The following SPOCK3 variants were observed in gnomAD, a reference collection of about 807,000 sequenced individuals.
SPOCK3 encodes the protein testican-3.
SPOCK3 carries 30 observed loss-of-function variants against 56.6 expected under a neutral mutation model. The ratio of observed to expected loss-of-function variants is 0.53; its 90% CI spans 0.40 to 0.72. The LOEUF (loss-of-function observed/expected upper bound fraction) is 0.72. SPOCK3 is among the 30% of genes least tolerant of loss of function. The pLI, the probability that SPOCK3 is intolerant of heterozygous loss-of-function variation, is 0.00. For synonymous variants in SPOCK3, 196 were observed against 183.3 expected (o/e 1.07, Z -0.56); for missense variants, 527 against 530.0 (o/e 0.99, Z 0.06).
At chr4:166,940,229 G>T (rs1740890864) in intron 4 of SPOCK3, among the ~76,000 whole-genome samples, 1 of 152,136 alleles carries the variant, frequency 6.6e-6, no homozygotes, top group African/African-American at 2.4e-5. Context: ...TGACTATGAT[G>T]ATATAATAAT....
In SPOCK3 at chr4:167,162,764, G is replaced by A. The variant is rs1303705741; in HGVS notation, c.189+71221C>T. On this transcript the variant is annotated intron_variant, in intron 2 of 10. Transcript: ENST00000357545. ...GCAAATGCCAATTGTATTTACTCTCGACTTTTTTTTATATGATTTTAAATA... is the reference window on the plus strand; with the variant it reads ...GCAAATGCCAATTGTATTTACTCTCAACTTTTTTTTATATGATTTTAAATA... 4.6e-5 allele frequency among the ~76,000 whole-genome samples: 7 copies of A among 151,876 alleles called. No individual in the cohort carries two copies. The South Asian group carries it at 8.3e-4, about 18-fold the overall frequency.
At chr4:166,854,065 A>G (rs542567459) in intron 6 of SPOCK3, among the ~76,000 whole-genome samples, 1 of 152,314 alleles carries the variant, frequency 6.6e-6, no homozygotes, top group African/African-American at 2.4e-5. Flanking sequence ...GCAACTTCAC[A>G]TAGCTCAACT....
intron 4 of SPOCK3, among the ~76,000 whole-genome samples, chr4:166,940,269 T>TC (rs1191791150): frequency 1.3e-5 from 2 of 152,202 alleles, no homozygotes; most frequent in African/African-American, 4.8e-5. Context: ...AGTATGAGCC[T>TC]AGATTACAAC....
intron 4 of SPOCK3, among the ~76,000 whole-genome samples, chr4:166,993,408 A>G (rs192753918): frequency 4.8e-4 from 73 of 152,286 alleles, no homozygotes; most frequent in African/African-American, 1.7e-3. Flanking sequence ...TAAAGGATGT[A>G]AAGCAGAGAA....
chr4:167,065,062 T>TAAAAAAAAAAAAAAAAAAAA, intron 2 of SPOCK3, among the ~76,000 whole-genome samples: 18 of 56,864 alleles, frequency 3.2e-4, no homozygotes, highest in South Asian at 1.0e-3. Context: ...AAAAAAAAAG[T>TAAAAAAAAAAAAAAAAAAAA]CAAACGCAGC....
chr4:166,945,258 T>C (rs1741585871), intron 4 of SPOCK3, among the ~76,000 whole-genome samples: 1 of 152,124 alleles, frequency 6.6e-6, no homozygotes, highest in Non-Finnish European at 1.5e-5. Context: ...CCTCAGTAAA[T>C]AGATATAGGA....
chr4:166,818,180 G>A (rs1744570958), intron 6 of SPOCK3, among the ~76,000 whole-genome samples: 1 of 151,492 alleles, frequency 6.6e-6, no homozygotes, highest in Non-Finnish European at 1.5e-5. Flanking sequence ...ATATTCCCCC[G>A]GCTCATTCCT....
chr4:166,736,221 C>T (rs1171482952), intron 10 of SPOCK3, among the ~76,000 whole-genome samples: 2 of 152,190 alleles, frequency 1.3e-5, no homozygotes, highest in East Asian at 3.9e-4. Flanking sequence ...GTAAAGAAAA[C>T]TCAGATGTCC....
At chr4:166,788,157 G>A (rs1740938753) in intron 7 of SPOCK3, among the ~76,000 whole-genome samples, 1 of 151,972 alleles carries the variant, frequency 6.6e-6, no homozygotes, top group Non-Finnish European at 1.5e-5. Context: ...AGTCCAGCTT[G>A]GGCAACAGAG....
In SPOCK3 at chr4:166,998,630, A is replaced by G. The variant is rs572911215; in HGVS notation, c.350+1719T>C. 2.6e-5 allele frequency among the ~76,000 whole-genome samples: 4 copies of G among 152,190 alleles called. No homozygotes were observed. The South Asian group carries it at 8.3e-4, about 32-fold the overall frequency. On this transcript the variant is annotated intron_variant, in intron 4 of 10. Transcript: ENST00000357545. ...CGAGTGTGTCTCTGCCACAGACATGATATTAACTGCGACGTCTTTGGTTGC... is the reference window on the plus strand; with the variant it reads ...CGAGTGTGTCTCTGCCACAGACATGGTATTAACTGCGACGTCTTTGGTTGC...
chr4:167,055,366 G>A (rs879399492), intron 3 of SPOCK3, among the ~76,000 whole-genome samples: 5 of 152,188 alleles, frequency 3.3e-5, no homozygotes, highest in East Asian at 1.9e-4. Context: ...AGCTCCCAGC[G>A]TGAGCAACGC....
At chr4:167,060,781 G>A (rs1433814724) in intron 3 of SPOCK3, among the ~76,000 whole-genome samples, 1 of 152,126 alleles carries the variant, frequency 6.6e-6, no homozygotes, top group East Asian at 1.9e-4. Flanking sequence ...AGGTTTGGGG[G>A]TTCAGACTGA....
At chr4:166,916,389 T>C (rs888144455) in intron 4 of SPOCK3, among the ~76,000 whole-genome samples, 2 of 152,180 alleles carry the variant, frequency 1.3e-5, no homozygotes, top group Non-Finnish European at 2.9e-5. Context: ...ACTATTATCT[T>C]GTATTCATGA....
intron 6 of SPOCK3, among the ~76,000 whole-genome samples, chr4:166,834,308 G>T (rs1396971300): frequency 6.6e-6 from 1 of 152,126 alleles, no homozygotes; most frequent in Non-Finnish European, 1.5e-5. Context: ...GCTTCTGATC[G>T]CTCATAGGTA....
At chr4:167,105,874 C>T (rs1250840409) in intron 2 of SPOCK3, among the ~76,000 whole-genome samples, 1 of 151,686 alleles carries the variant, frequency 6.6e-6, no homozygotes, top group Non-Finnish European at 1.5e-5. Context: ...ATGACAAAAA[C>T]TATAAGAAAC....
chr4:167,148,228 C>T (rs1764137485), intron 2 of SPOCK3, among the ~76,000 whole-genome samples: 1 of 152,132 alleles, frequency 6.6e-6, no homozygotes. Context: ...GGAGTTGCTA[C>T]TGGCATCTAG....
In SPOCK3 at chr4:166,792,163, A is replaced by G. The variant is rs779042484; in HGVS notation, c.709+7T>C. 2.5e-6 allele frequency: 4 copies of G among 1,613,774 alleles called. No individual in the cohort carries two copies. The highest frequency in any genetic ancestry group is 3.4e-6 in the Non-Finnish European group (4 of 1,179,774). ...ACAGTAGCAATGATCAAATTTAGAAATCTTACTGCTTCTCTCAGGCCTCAG... is the reference window on the plus strand; with the variant it reads ...ACAGTAGCAATGATCAAATTTAGAAGTCTTACTGCTTCTCTCAGGCCTCAG... On this transcript the variant is annotated splice_region_variant and intron_variant, in intron 7 of 10. Transcript: ENST00000357545.
intron 6 of SPOCK3, among the ~76,000 whole-genome samples, chr4:166,795,320 T>C (rs1741819680): frequency 6.6e-6 from 1 of 152,200 alleles, no homozygotes; most frequent in Non-Finnish European, 1.5e-5. Context: ...AAATACTGTA[T>C]AGTCGCATCC....
chr4:166,967,470 C>A (rs1035432444), intron 4 of SPOCK3, among the ~76,000 whole-genome samples: 1 of 152,148 alleles, frequency 6.6e-6, no homozygotes, highest in African/African-American at 2.4e-5. Flanking sequence ...TTGTTGTTCT[C>A]ATGATAGTGA....
Sources: gnomAD v4.1 joint callset for allele counts (sites outside exome capture counted in the v4.1 genomes callset) on GRCh38, gnomAD v4.1.1 for gene constraint, MANE v1.5 for transcripts, NCBI Gene and HGNC (gene_info 2026-07-23, HGNC 2026-07-21) for gene names.